GALNT14: variants seen among roughly 807,000 people sequenced by gnomAD.
GALNT14 encodes the protein polypeptide N-acetylgalactosaminyltransferase 14, also known as UDP-GalNAc:polypeptide N-acetylgalactosaminyltransferase 14.
Under a neutral mutation model 77.5 loss-of-function variants are expected in GALNT14, and 60 were observed. That is an observed-to-expected ratio of 0.77 (90% CI 0.63 to 0.96). GALNT14 has a LOEUF of 0.96. Among genes scored for constraint, GALNT14 ranks in the 40% least tolerant of loss-of-function variants. GALNT14 has a pLI of 0.00. For missense variants in GALNT14, 710 were observed against 731.0 expected (o/e 0.97, Z 0.33); for synonymous variants, 280 against 281.7 (o/e 0.99, Z 0.06).
chr2:31,078,393 C>T (rs572457627), intron 1 of GALNT14, among the ~76,000 whole-genome samples: 1 of 152,248 alleles, frequency 6.6e-6, no homozygotes, highest in South Asian at 2.1e-4. Context: ...TCTTAATGGG[C>T]CTTCCCCTTA....
chr2:30,961,928 G>A (rs1298204617), intron 3 of GALNT14, among the ~76,000 whole-genome samples: 1 of 152,004 alleles, frequency 6.6e-6, no homozygotes, highest in African/African-American at 2.4e-5. Flanking sequence ...CCTGACATCA[G>A]GTGATCTGCA....
intron 1 of GALNT14, among the ~76,000 whole-genome samples, chr2:31,057,002 C>A (rs576071728): frequency 1.4e-4 from 21 of 152,118 alleles, no homozygotes; most frequent in African/African-American, 4.8e-4. Context: ...AGCTGGAGGC[C>A]ATTAACCTCA....
chr2:30,965,643 G>A (rs1214704283), intron 3 of GALNT14, among the ~76,000 whole-genome samples: 2 of 152,190 alleles, frequency 1.3e-5, no homozygotes, highest in Admixed American at 1.3e-4. Context: ...ACCTATTAGA[G>A]CAAGAACACG....
At position 31,091,469 on chromosome 2, in the gene GALNT14, G is replaced by A. The variant is rs115267005; in HGVS notation, c.129+46489C>T. Among the ~76,000 whole-genome samples, 368 of 152,294 alleles carry A rather than the reference G, an allele frequency of 2.4e-3. 1 individual carries two copies. The highest frequency in any genetic ancestry group is 0.024 in the Middle Eastern group (7 of 294). On this transcript the variant is annotated intron_variant, in intron 1 of 14. Coordinates refer to ENST00000349752, the MANE Select transcript of GALNT14 (RefSeq NM_024572.4). ...TTAACAGAAAAGTTTGCCAACTCCT[G>A]ATAGAGATCATCTCTGTACTTGCCC...
chr2:30,955,563 G>C, intron 6 of GALNT14, 55 bp downstream of exon 6: 1 of 1,593,668 alleles, frequency 6.3e-7, no homozygotes, highest in South Asian at 1.1e-5. Context: ...GCTTGAGAGA[G>C]AGCCTGGAGA....
the GALNT14 span, among the ~76,000 whole-genome samples, chr2:30,900,613 G>A: frequency 3.9e-5 from 6 of 152,122 alleles, no homozygotes; most frequent in African/African-American, 1.4e-4. Flanking sequence ...ACAGCACTAA[G>A]GGATTTTGGT....
At chr2:31,109,625 C>T (rs562459299) in intron 1 of GALNT14, among the ~76,000 whole-genome samples, 5 of 152,316 alleles carry the variant, frequency 3.3e-5, no homozygotes, top group South Asian at 2.1e-4. Context: ...CTGGCCCCAC[C>T]GTCCTGCGGC....
intron 1 of GALNT14, among the ~76,000 whole-genome samples, chr2:31,070,447 C>T (rs1384128112): frequency 6.6e-6 from 1 of 152,152 alleles, no homozygotes; most frequent in Non-Finnish European, 1.5e-5. Context: ...ACCTGAACAC[C>T]ACCTCCTTCT....
chr2:30,976,697 G>A (rs1668653920), intron 2 of GALNT14, among the ~76,000 whole-genome samples: 1 of 152,124 alleles, frequency 6.6e-6, no homozygotes. Context: ...CAGAAAGTGT[G>A]GAGTTGGGCC....
chr2:31,123,603 TA>T (rs200277335), intron 1 of GALNT14, among the ~76,000 whole-genome samples: 1,565 of 152,288 alleles, frequency 0.01, 24 homozygotes, highest in African/African-American at 0.035. Context: ...AAGACCTCCC[TA>T]AATCCTTCTT....
chr2:31,092,475 AGAGG>A lies in GALNT14; in HGVS notation c.129+45479_129+45482del, dbSNP rs372903822. On this transcript the variant is annotated intron_variant, in intron 1 of 14. Transcript: ENST00000349752. ...GAGACACAAATATTCAATCTACAGC[AGAGG>A]GATATAGACAAAACAGATCATATTC... 1.9e-3 allele frequency among the ~76,000 whole-genome samples: 285 copies of A among 152,276 alleles called. 4 individuals carry two copies. Among genetic ancestry groups the A allele is most frequent in the African/African-American group, 6.5e-3 (271 of 41,556 alleles).
chr2:30,931,519 C>T (rs1231351173), intron 10 of GALNT14, among the ~76,000 whole-genome samples: 1 of 152,102 alleles, frequency 6.6e-6, no homozygotes, highest in Admixed American at 6.5e-5. Context: ...GAACCACCCC[C>T]CAGACAGGAG....
intron 1 of GALNT14, among the ~76,000 whole-genome samples, chr2:31,130,790 G>A (rs71444482): frequency 8.1e-5 from 11 of 135,512 alleles, no homozygotes; most frequent in South Asian, 2.4e-4. Flanking sequence ...GTGTGCGCGC[G>A]CACCTGTGTG....
intron 1 of GALNT14, among the ~76,000 whole-genome samples, chr2:31,122,312 C>T (rs550703628): frequency 1.6e-4 from 25 of 152,332 alleles, no homozygotes; most frequent in African/African-American, 6.0e-4. Context: ...TCCCACATTA[C>T]CTGGCATGGA....
chr2:31,004,884 C>T (rs952157635), intron 1 of GALNT14, among the ~76,000 whole-genome samples: 1 of 152,168 alleles, frequency 6.6e-6, no homozygotes, highest in African/African-American at 2.4e-5. Context: ...AAGCAATTTT[C>T]AAGAGGCCCT....
chr2:30,911,132 G>A (rs1219204007), intron 14 of GALNT14, 73 bp from the exon 15 acceptor site: 1 of 1,441,394 alleles, frequency 6.9e-7, no homozygotes, highest in Admixed American at 1.8e-5. Flanking sequence ...TTATCAGAAA[G>A]GTAGGTGCCT....
intron 9 of GALNT14, among the ~76,000 whole-genome samples, chr2:30,941,812 G>A (rs1191333832): frequency 1.3e-5 from 2 of 152,146 alleles, no homozygotes; most frequent in Non-Finnish European, 2.9e-5. Context: ...TTCTCTTCAA[G>A]CTCCTTCCAA....
chr2:31,055,667 C>A (rs1164771172), intron 1 of GALNT14, among the ~76,000 whole-genome samples: 5 of 152,202 alleles, frequency 3.3e-5, no homozygotes, highest in African/African-American at 1.2e-4. Flanking sequence ...AGGATCCCCA[C>A]TGGCCAGTCC....
chr2:30,893,653 G>C, the GALNT14 span, among the ~76,000 whole-genome samples: 1 of 152,108 alleles, frequency 6.6e-6, no homozygotes, highest in East Asian at 1.9e-4. Context: ...AAATTGTCGA[G>C]GTAAATGCCA....
Sources: gnomAD v4.1 joint callset for allele counts (sites outside exome capture counted in the v4.1 genomes callset) on GRCh38, gnomAD v4.1.1 for gene constraint, MANE v1.5 for transcripts, NCBI Gene and HGNC (gene_info 2026-07-23, HGNC 2026-07-21) for gene names.